The following BTNL8 variants were observed in gnomAD, a reference collection of about 807,000 sequenced individuals.
BTNL8 encodes butyrophilin like 8.
BTNL8 carries 22 observed loss-of-function variants against 36.1 expected under a neutral mutation model. The observed-to-expected ratio is 0.61, with a 90% confidence interval of 0.44 to 0.87. The LOEUF (loss-of-function observed/expected upper bound fraction) is 0.87. Among genes scored for constraint, BTNL8 ranks in the 40% least tolerant of loss-of-function variants. The pLI is 0.00. For synonymous variants in BTNL8, 203 were observed against 235.6 expected, an observed-to-expected ratio of 0.86 and a Z score of 1.27; for missense variants, 526 against 616.9, an observed-to-expected ratio of 0.85 and a Z score of 1.56.
intron 2 of BTNL8, among the ~76,000 whole-genome samples, 191 bp downstream of exon 2, chr5:180,909,124 C>T (rs1757267351): frequency 6.6e-6 from 1 of 152,128 alleles, no homozygotes; most frequent in African/African-American, 2.4e-5. Context: ...AGGTAACCAC[C>T]ATCACATCAA....
At chr5:180,918,305 G>A (rs1020462820) in intron 3 of BTNL8, among the ~76,000 whole-genome samples, 12 of 152,022 alleles carry the variant, frequency 7.9e-5, no homozygotes, top group African/African-American at 1.9e-4. Context: ...AACATTAAAC[G>A]TATCCCCATG....
chr5:180,924,646 C>T (rs747649452), intron 3 of BTNL8, among the ~76,000 whole-genome samples: 3 of 152,148 alleles, frequency 2.0e-5, no homozygotes, highest in Non-Finnish European at 4.4e-5. Context: ...GAATCCCAGG[C>T]TATATTAAAT....
chr5:180,910,818 T>C (rs1270017409), intron 2 of BTNL8, among the ~76,000 whole-genome samples: 1 of 152,194 alleles, frequency 6.6e-6, no homozygotes, highest in East Asian at 1.9e-4. Context: ...TCAGGATTCA[T>C]AAAGCTGTGA....
chr5:180,899,431 A>G, intron 1 of BTNL8, 72 bp downstream of exon 1: 1 of 1,511,712 alleles, frequency 6.6e-7, no homozygotes, highest in East Asian at 2.3e-5. Context: ...TTGCAGCATA[A>G]TGGAATGAAG....
At chr5:180,947,680 C>T in intron 4 of BTNL8, 55 bp downstream of exon 4, 1 of 1,614,156 alleles carries the variant, frequency 6.2e-7, no homozygotes, top group Non-Finnish European at 8.5e-7. Context: ...CCAGCAGGGA[C>T]AGGATCAGAG....
Position 180,908,858 on chromosome 5 carries a change from G to T in BTNL8, c.322G>T (p.Asp108Tyr), listed in dbSNP as rs1176477871. 1 of 1,614,206 alleles carries T rather than the reference G, an allele frequency of 6.2e-7. No individual in the cohort carries two copies. The highest frequency in any genetic ancestry group is 1.6e-4 in the Middle Eastern group (1 of 6,062). The change falls in exon 2 of 8, where the codon GAT (aspartate) becomes TAT (tyrosine). Residue 108 changes from aspartate (D) to tyrosine (Y), a missense_variant. Asp to Tyr is a radical substitution (Grantham distance 160). This residue lies in a region of BTNL8 where 350 missense variants were observed against 324.6 expected (regional missense o/e 1.08). Transcript: ENST00000340184. ...SLRLENITVLDAGLYGCRISS... is the reference protein window; with the variant it reads ...SLRLENITVLYAGLYGCRISS... ...GAGGCTGGAAAACATTACTGTGTTGGATGCTGGCCTCTATGGGTGCAGGAT... is the reference window on the plus strand; with the variant it reads ...GAGGCTGGAAAACATTACTGTGTTGTATGCTGGCCTCTATGGGTGCAGGAT...
At chr5:180,925,893 A>G (rs1374302528) in intron 3 of BTNL8, among the ~76,000 whole-genome samples, 1 of 152,242 alleles carries the variant, frequency 6.6e-6, no homozygotes. Flanking sequence ...CATCAAAATC[A>G]TAAGAAGTGG....
chr5:180,925,208 G>C (rs1758039552), intron 3 of BTNL8, among the ~76,000 whole-genome samples: 1 of 152,172 alleles, frequency 6.6e-6, no homozygotes, highest in South Asian at 2.1e-4. Context: ...AAGGAGATGA[G>C]AGAGAACAAG....
At chr5:180,931,950 A>G (rs1232101891) in intron 3 of BTNL8, among the ~76,000 whole-genome samples, 1 of 152,206 alleles carries the variant, frequency 6.6e-6, no homozygotes, top group African/African-American at 2.4e-5. Flanking sequence ...CAGCAATCCC[A>G]TTACTAAGTA....
rs7724616 is a variant in BTNL8 at position 180,947,387 on chromosome 5, G to T, written c.674-125G>T. 1.0e-5 allele frequency: 13 copies of T among 1,272,074 alleles called. No homozygotes were observed. In the South Asian group the frequency reaches 1.9e-4, roughly 18 times the overall value. The allele number at this position is 1,272,074 out of a possible 1,614,324, so 78.8% of individuals were successfully genotyped here. On this transcript the variant is annotated intron_variant, in intron 3 of 7. Coordinates refer to ENST00000340184, the MANE Select transcript of BTNL8 (RefSeq NM_001040462.3). ...AACAAAAGTACAATCAAAGTATTAA[G>T]CCTATAGGAGAATTTATAGAAACCT... is the stretch of plus-strand genomic sequence containing the variant.
chr5:180,923,665 G>T (rs1003634955), intron 3 of BTNL8, among the ~76,000 whole-genome samples: 2 of 151,780 alleles, frequency 1.3e-5, no homozygotes, highest in African/African-American at 2.4e-5. Flanking sequence ...AAAAAAGAAA[G>T]AAAGTGAAAA....
intron 2 of BTNL8, 49 bp downstream of exon 2, chr5:180,908,982 C>T (rs1757255124): frequency 2.6e-6 from 4 of 1,523,324 alleles, no homozygotes; most frequent in Non-Finnish European, 3.5e-6. Context: ...CCATCCTGGA[C>T]TTTATAAGTG....
intron 3 of BTNL8, among the ~76,000 whole-genome samples, chr5:180,938,822 G>C (rs1158601451): frequency 6.6e-6 from 1 of 151,782 alleles, no homozygotes; most frequent in Non-Finnish European, 1.5e-5. Flanking sequence ...CAAAGTGCTG[G>C]AAGGGAAAAA....
chr5:180,947,683 G>C, intron 4 of BTNL8, 58 bp downstream of exon 4: 6 of 1,614,160 alleles, frequency 3.7e-6, no homozygotes, highest in Non-Finnish European at 5.1e-6. Context: ...GCAGGGACAG[G>C]ATCAGAGATG....
rs1232150060 is a variant in BTNL8, at chr5:180,911,406, G to A, written c.465G>A (p.Gln155=). The A allele has an allele frequency of 1.2e-6, 2 of 1,614,224 alleles. No individual in the cohort carries two copies. The highest frequency in any genetic ancestry group is 8.5e-7 in the Non-Finnish European group (1 of 1,180,040). Residue 155 remains glutamine, a synonymous_variant, in exon 3 of 8, where the codon CAG becomes CAA. Coordinates refer to ENST00000340184, the MANE Select transcript of BTNL8 (RefSeq NM_001040462.3). ...ATAGAGACATCCAGCTACTCTGTCA[G>A]TCCTCGGGCTGGTTCCCCCGGCCCA... The part of the protein sequence containing the change: ...YVDRDIQLLC[Q]SSGWFPRPTA...
chr5:180,911,461 G>C lies in BTNL8; in HGVS notation c.520G>C (p.Asp174His), dbSNP rs372363727. The C allele has an allele frequency of 2.4e-5, 38 of 1,614,086 alleles. No individual in the cohort carries two copies. The highest frequency in any genetic ancestry group is 2.7e-5 in the Non-Finnish European group (32 of 1,180,040). Residue 174 changes from aspartate (D) to histidine (H), a missense_variant, in exon 3 of 8, where the codon GAT (aspartate) becomes CAT (histidine). This residue lies in a region of BTNL8 where 350 missense variants were observed against 324.6 expected (regional missense o/e 1.08). Transcript: ENST00000340184. ...GAAGTGGAAAGGTCCACAAGGACAG[G>C]ATTTGTCCACAGACTCCAGGACAAA... ...TAKWKGPQGQ[D>H]LSTDSRTNRD...
Position 180,935,596 on chromosome 5 carries a change from A to G in BTNL8, c.674-11916A>G, listed in dbSNP as rs2113840895. Reference sequence around the variant, plus strand: ...GGCACTTCTGAGCCTGCAGGGGCAGAGAGGGTTTCCAGGGCCCCGAGAGCA... The same window carrying G: ...GGCACTTCTGAGCCTGCAGGGGCAGGGAGGGTTTCCAGGGCCCCGAGAGCA... On this transcript the variant is annotated intron_variant, in intron 3 of 7. Coordinates refer to ENST00000340184, the MANE Select transcript of BTNL8 (RefSeq NM_001040462.3). This position sits in a 1 kb window ranked among gnomAD's most constrained non-coding sequence, Gnocchi z 4.8. Among the ~76,000 whole-genome samples the G allele has an allele frequency of 6.6e-6, 1 of 152,334 alleles. No homozygotes were observed. The highest frequency in any genetic ancestry group is 2.1e-4 in the South Asian group (1 of 4,830).
chr5:180,942,364 A>G lies in BTNL8; in HGVS notation c.674-5148A>G, dbSNP rs140027546. On this transcript the variant is annotated intron_variant, in intron 3 of 7. Coordinates refer to ENST00000340184, the MANE Select transcript of BTNL8 (RefSeq NM_001040462.3). Reference sequence around the variant, plus strand: ...TTAAGATTGGTAAAATGACCACACTACCCAAAGTGATCTACAGAGTCAATG... The same window carrying G: ...TTAAGATTGGTAAAATGACCACACTGCCCAAAGTGATCTACAGAGTCAATG... 2.6e-4 allele frequency among the ~76,000 whole-genome samples: 40 copies of G among 152,312 alleles called. No individual in the cohort carries two copies. The East Asian group carries it at 7.5e-3, about 29-fold the overall frequency.
chr5:180,933,087 T>C (rs1025560265), intron 3 of BTNL8, among the ~76,000 whole-genome samples: 8 of 150,448 alleles, frequency 5.3e-5, no homozygotes, highest in Non-Finnish European at 8.9e-5. Flanking sequence ...GAGAAAAAGG[T>C]CATTATGTAA....
Sources: allele counts gnomAD v4.1 joint callset (sites outside exome capture counted in the v4.1 genomes callset), GRCh38; gene constraint gnomAD v4.1.1; regional missense constraint gnomAD v4.1.1; non-coding constraint Gnocchi (gnomAD v3.1); transcripts MANE v1.5; gene names NCBI Gene and HGNC (gene_info 2026-07-23, HGNC 2026-07-21).